PHIP: variants seen among roughly 807,000 people sequenced by gnomAD.
PHIP encodes the protein PHIP subunit of CUL4-Ring ligase complex.
In PHIP, 54 loss-of-function variants were observed where a neutral mutation model predicts 236.8. That is an observed-to-expected ratio of 0.23 (90% confidence interval 0.18 to 0.29). PHIP has a LOEUF of 0.29. PHIP is among the 10% of genes least tolerant of loss of function. PHIP has a pLI of 1.00. For missense variants in PHIP, 1,370 were observed against 2,190.8 expected, an observed-to-expected ratio of 0.63 and a Z score of 7.48; for synonymous variants, 756 against 718.9, an observed-to-expected ratio of 1.05 and a Z score of -0.83.
Position 78,988,276 on chromosome 6 carries a change from G to A in PHIP, c.2393C>T (p.Thr798Ile). ...AGGAGTCTCTTCCAATGCAGATCTT[G>A]TACGATAATTGTGTTGATTTGTCTG... is the stretch of plus-strand genomic sequence containing the variant. ...KQQTNQHNYR[T>I]RSALEETPRP... Residue 798 changes from threonine (T) to isoleucine (I), a missense_variant, in exon 21 of 40, where the codon ACA becomes ATA. Transcript: ENST00000275034. The A allele has an allele frequency of 6.2e-7, 1 of 1,607,766 alleles. No homozygotes were observed. The highest frequency in any genetic ancestry group is 8.5e-7 in the Non-Finnish European group (1 of 1,175,286).
chr6:78,946,665 A>G, intron 37 of PHIP, 46 bp downstream of exon 37: 1 of 1,489,378 alleles, frequency 6.7e-7, no homozygotes, highest in Non-Finnish European at 8.9e-7. Context: ...TATCATTTAG[A>G]TGAAAGTTAT....
At chr6:78,972,782 T>C (rs562163437) in intron 24 of PHIP, among the ~76,000 whole-genome samples, 4 of 151,796 alleles carry the variant, frequency 2.6e-5, no homozygotes, top group South Asian at 4.2e-4. Context: ...GTATCAGCAA[T>C]GGAAGATGAA....
rs546350757 is a variant in PHIP at position 79,025,358 on chromosome 6, G to C, written c.923+161C>G. On this transcript the variant is annotated intron_variant, in intron 9 of 39. Transcript: ENST00000275034. ...TCTTTGAAACATAAAAAAAGGGGAG[G>C]AATAAAAATAAAACAGGTTAGTAAA... Among the ~76,000 whole-genome samples the C allele has an allele frequency of 2.3e-4, 35 of 151,940 alleles. No homozygotes were observed. The South Asian group carries it at 7.1e-3, about 31-fold the overall frequency.
intron 9 of PHIP, among the ~76,000 whole-genome samples, chr6:79,023,133 C>T (rs1170393715): frequency 6.6e-6 from 1 of 152,182 alleles, no homozygotes; most frequent in African/African-American, 2.4e-5. Flanking sequence ...GGCTACAGTA[C>T]AGTGGTGAGA....
chr6:78,935,674 A>G lies in PHIP; in HGVS notation c.*5019T>C. The G allele has an allele frequency of 1.0e-6, 1 of 984,362 alleles. No individual in the cohort carries two copies. Among genetic ancestry groups the G allele is most frequent in the African/African-American group, 1.7e-5 (1 of 57,332 alleles). 61.0% of individuals were successfully genotyped at this position (984,362 alleles called of 1,614,324 possible). ...TTAAATTACATTTCGGCACCCAAAT[A>G]TCTTTTAACTGACAGTTTTCACACT... On this transcript the variant is annotated 3_prime_UTR_variant, in exon 40 of 40. Transcript: ENST00000275034.
intron 9 of PHIP, among the ~76,000 whole-genome samples, chr6:79,024,902 T>C (rs1389807964): frequency 6.6e-6 from 1 of 152,208 alleles, no homozygotes; most frequent in Non-Finnish European, 1.5e-5. Context: ...TTTTTAAACA[T>C]AGTTTTAACT....
intron 9 of PHIP, among the ~76,000 whole-genome samples, chr6:79,022,365 A>G (rs114536439): frequency 1.8e-3 from 281 of 152,310 alleles, no homozygotes; most frequent in African/African-American, 6.1e-3. Context: ...CAATCCTTCA[A>G]TGACTAACTG....
At chr6:78,997,702 T>C (rs1769711713) in intron 18 of PHIP, 105 bp from the exon 19 acceptor site, 1 of 910,602 alleles carries the variant, frequency 1.1e-6, no homozygotes, top group Non-Finnish European at 1.6e-6. Flanking sequence ...AAACTTCATA[T>C]TGTGGCAAAA....
intron 25 of PHIP, 82 bp from the exon 26 acceptor site, chr6:78,970,255 T>A: frequency 8.1e-7 from 1 of 1,235,624 alleles, no homozygotes; most frequent in Non-Finnish European, 1.1e-6. Context: ...GAGAAAAAAC[T>A]TCTTGGTTTA....
chr6:79,038,199 G>T (rs1453424395), intron 7 of PHIP, among the ~76,000 whole-genome samples: 1 of 152,162 alleles, frequency 6.6e-6, no homozygotes, highest in Non-Finnish European at 1.5e-5. Flanking sequence ...TTGTTAATTT[G>T]TAAACAGAAA....
intron 3 of PHIP, 30 bp downstream of exon 3, chr6:79,077,668 GGC>G (rs1774250499): frequency 1.0e-6 from 1 of 968,040 alleles, no homozygotes; most frequent in Non-Finnish European, 1.2e-6. Flanking sequence ...GCCGCGCGGC[GGC>G]GGGACGCGCC....
intron 19 of PHIP, among the ~76,000 whole-genome samples, chr6:78,996,812 G>C (rs950653179): frequency 6.6e-6 from 1 of 151,992 alleles, no homozygotes. Context: ...TTCATACACA[G>C]AAATCAGCCT....
chr6:79,017,228 G>A (rs1582228670), intron 12 of PHIP, 118 bp downstream of exon 12: 1 of 602,740 alleles, frequency 1.7e-6, no homozygotes, highest in Non-Finnish European at 2.9e-6. Flanking sequence ...AAGTATAACT[G>A]GTCAAGATCT....
Position 79,001,892 on chromosome 6 carries a change from C to A in PHIP, c.1879+7G>T. The A allele has an allele frequency of 6.4e-7, 1 of 1,564,710 alleles. No individual in the cohort carries two copies. Among genetic ancestry groups the A allele is most frequent in the Non-Finnish European group, 8.8e-7 (1 of 1,135,580 alleles). On this transcript the variant is annotated splice_region_variant and intron_variant, in intron 17 of 39. Coordinates refer to ENST00000275034, the MANE Select transcript of PHIP (RefSeq NM_017934.7). ...AAATTTGATTGTCTAAGAAAATGAGCACCTACCTGAGGAAGTTACTCCCAT... is the reference window on the plus strand; with the variant it reads ...AAATTTGATTGTCTAAGAAAATGAGAACCTACCTGAGGAAGTTACTCCCAT...
chr6:78,996,197 A>G (rs1769605831), intron 19 of PHIP, among the ~76,000 whole-genome samples: 1 of 152,182 alleles, frequency 6.6e-6, no homozygotes. Flanking sequence ...GCCCAGCCTT[A>G]TGCCATTGTG....
rs146404984 is a variant in PHIP at position 79,005,070 on chromosome 6, T to G, written c.1525-1212A>C. 6.2e-4 allele frequency among the ~76,000 whole-genome samples: 95 copies of G among 152,202 alleles called. 1 individual carries two copies. The South Asian group carries it at 7.7e-3, about 12-fold the overall frequency. On this transcript the variant is annotated intron_variant, in intron 15 of 39. Transcript: ENST00000275034. Reference sequence around the variant, plus strand: ...TGTGCAACAGTGCTTATTAATGCTCTTTTGGATGGTTACAATAATAGAAAA... The same window carrying G: ...TGTGCAACAGTGCTTATTAATGCTCGTTTGGATGGTTACAATAATAGAAAA...
chr6:79,045,422 T>C (rs145802320), intron 6 of PHIP, among the ~76,000 whole-genome samples: 19 of 152,290 alleles, frequency 1.2e-4, no homozygotes, highest in African/African-American at 2.6e-4. Context: ...CATTTTTTTA[T>C]AATACCATTT....
intron 22 of PHIP, among the ~76,000 whole-genome samples, chr6:78,984,274 A>G (rs1213857868): frequency 6.6e-6 from 1 of 152,196 alleles, no homozygotes; most frequent in African/African-American, 2.4e-5. Flanking sequence ...TGAAATTTAA[A>G]ATGATTTTTA....
At chr6:79,032,334 T>C (rs1427042618) in intron 7 of PHIP, among the ~76,000 whole-genome samples, 1 of 152,164 alleles carries the variant, frequency 6.6e-6, no homozygotes, top group Admixed American at 6.5e-5. Flanking sequence ...TCACAAGAGA[T>C]TTCTCTGCAG....
Sources: allele counts gnomAD v4.1 joint callset (sites outside exome capture counted in the v4.1 genomes callset), GRCh38; gene constraint gnomAD v4.1.1; transcripts MANE v1.5; gene names NCBI Gene and HGNC (gene_info 2026-07-23, HGNC 2026-07-21).